Variants in ANP32B observed in about 807,000 individuals in gnomAD.
The protein encoded by ANP32B is acidic leucine-rich nuclear phosphoprotein 32 family member B.
In ANP32B, 6 loss-of-function variants were observed where a neutral mutation model predicts 32.2. That is an observed-to-expected ratio of 0.19 (90% confidence interval 0.10 to 0.37). The LOEUF (loss-of-function observed/expected upper bound fraction) is 0.37. ANP32B is among the 10% of genes least tolerant of loss of function. ANP32B has a pLI of 1.00. For synonymous variants in ANP32B, 98 were observed against 105.8 expected (o/e 0.93, Z 0.45); for missense variants, 204 against 289.2 (o/e 0.71, Z 2.14).
At position 98,011,784 on chromosome 9, in the gene ANP32B, T is replaced by C. The variant is rs571038693; in HGVS notation, c.636+395T>C. On this transcript the variant is annotated intron_variant, in intron 5 of 6. Coordinates refer to ENST00000339399, the MANE Select transcript of ANP32B (RefSeq NM_006401.3). ...TATATTCAGTGTAATTCAGTAAATA[T>C]ATATCTGCTATGTTAAAGAGTTGGG... 5.9e-5 allele frequency among the ~76,000 whole-genome samples: 9 copies of C among 152,344 alleles called. No homozygotes were observed. The South Asian group carries it at 1.7e-3, about 28-fold the overall frequency.
In ANP32B at chr9:97,985,112, C is replaced by T. The variant is rs1452786915; in HGVS notation, c.54+1503C>T. Among the ~76,000 whole-genome samples the T allele has an allele frequency of 5.3e-5, 8 of 151,398 alleles. No homozygotes were observed. In the South Asian group the frequency reaches 8.3e-4, roughly 16 times the overall value. On this transcript the variant is annotated intron_variant, in intron 1 of 6. Transcript: ENST00000339399. Reference sequence around the variant, plus strand: ...GGCGCGGGCCAGTTAGCGCCGCGGCCGGGTGCCCCAGCGGGCCAGTGGCTT... The same window carrying T: ...GGCGCGGGCCAGTTAGCGCCGCGGCTGGGTGCCCCAGCGGGCCAGTGGCTT...
chr9:97,995,580 G>A (rs150636873), intron 2 of ANP32B, among the ~76,000 whole-genome samples: 3 of 152,146 alleles, frequency 2.0e-5, no homozygotes, highest in African/African-American at 7.2e-5. Context: ...TTGGTATTGG[G>A]GTTTGTTTGT....
chr9:97,983,652 G>T (rs547335998), intron 1 of ANP32B, 43 bp downstream of exon 1: 11 of 1,468,614 alleles, frequency 7.5e-6, no homozygotes, highest in African/African-American at 7.3e-5. Context: ...CCGATGACTT[G>T]CATGTAATGG....
At chr9:97,985,325 G>A (rs945169664) in intron 1 of ANP32B, among the ~76,000 whole-genome samples, 177 of 149,304 alleles carry the variant, frequency 1.2e-3, no homozygotes, top group African/African-American at 4.1e-3. Flanking sequence ...CCACTAACGC[G>A]GGGCGGGCCG....
chr9:97,984,665 G>A (rs1419983535), intron 1 of ANP32B: 1 of 150,718 alleles, frequency 6.6e-6, no homozygotes, highest in African/African-American at 2.4e-5. Context: ...GCTGGCTGGC[G>A]GCCGCCTCTT....
intron 4 of ANP32B, among the ~76,000 whole-genome samples, chr9:98,008,090 A>T (rs2131590838): frequency 6.6e-6 from 1 of 152,140 alleles, no homozygotes; most frequent in East Asian, 1.9e-4. Context: ...CCTAAGTATT[A>T]AGCCCACTGT....
intron 1 of ANP32B, among the ~76,000 whole-genome samples, chr9:97,992,715 C>A (rs1002573090): frequency 6.6e-6 from 1 of 151,994 alleles, no homozygotes; most frequent in Admixed American, 6.6e-5. Flanking sequence ...TTTAATGGTT[C>A]GTTGGTTTTA....
chr9:97,990,593 A>G (rs891954357), intron 1 of ANP32B, among the ~76,000 whole-genome samples: 16 of 151,744 alleles, frequency 1.1e-4, no homozygotes, highest in Non-Finnish European at 1.5e-5. Context: ...TAGCCCAACA[A>G]CTCTCTGCCC....
chr9:97,984,865 G>A (rs1827684159), intron 1 of ANP32B, among the ~76,000 whole-genome samples: 1 of 150,628 alleles, frequency 6.6e-6, no homozygotes. Flanking sequence ...ATTTTGGGCG[G>A]GCTTCGGCTC....
chr9:97,986,152 C>T (rs972725167), intron 1 of ANP32B, among the ~76,000 whole-genome samples: 9 of 152,232 alleles, frequency 5.9e-5, no homozygotes, highest in Admixed American at 2.0e-4. Flanking sequence ...TCAGCTTAAC[C>T]TTCTTGCCAG....
Position 98,015,409 on chromosome 9 carries a change from A to T in ANP32B, c.734A>T (p.Asp245Val), listed in dbSNP as rs1828258449. Residue 245 changes from aspartate (D) to valine (V), a missense_variant, in exon 7 of 7, where the codon GAT becomes GTT. Physicochemically the swap from Asp to Val is radical, Grantham distance 152. Transcript: ENST00000339399. Reference protein sequence around the residue: ...GKGEKRKRETDDEGEDD With the variant: ...GKGEKRKRETVDEGEDD ...GGTGAAAAGAGGAAGAGAGAAACAG[A>T]TGATGAAGGAGAAGATGATTAAGAC... The T allele has an allele frequency of 6.5e-7, 1 of 1,549,964 alleles. No homozygotes were observed. Among genetic ancestry groups the T allele is most frequent in the Admixed American group, 2.0e-5 (1 of 50,962 alleles).
At chr9:97,996,619 G>A (rs945558454) in intron 2 of ANP32B, among the ~76,000 whole-genome samples, 5 of 152,074 alleles carry the variant, frequency 3.3e-5, no homozygotes, top group African/African-American at 9.7e-5. Context: ...TTGAGATGGA[G>A]TTTAACTCTT....
chr9:97,991,729 T>C lies in ANP32B; in HGVS notation c.55-2902T>C, dbSNP rs562932908. Among the ~76,000 whole-genome samples, 5 of 152,336 alleles carry C rather than the reference T, an allele frequency of 3.3e-5. No individual in the cohort carries two copies. The South Asian group carries it at 1.0e-3, about 32-fold the overall frequency. On this transcript the variant is annotated intron_variant, in intron 1 of 6. Transcript: ENST00000339399. ...ATGTTTGTATTCTTTCACTTAGCAA[T>C]GGATTCTGAAAACACAGTCCTAAAT...
rs543215059 is a variant in ANP32B, at chr9:98,013,615, G to GGGA, written c.688+1144_688+1146dup. 7.9e-5 allele frequency among the ~76,000 whole-genome samples: 12 copies of GGGA among 152,192 alleles called. No individual in the cohort carries two copies. In the South Asian group the frequency reaches 2.1e-3, roughly 26 times the overall value. On this transcript the variant is annotated intron_variant, in intron 6 of 6. Transcript: ENST00000339399. Reference sequence around the variant, plus strand: ...TGTACAGAAAATTAAAAAGTTAGCTGGGACCGGGTGTGGTGACTCACGCCT... The same window carrying GGGA: ...TGTACAGAAAATTAAAAAGTTAGCTGGGAGGACCGGGTGTGGTGACTCACGCCT...
chr9:97,989,177 G>A (rs890926285), intron 1 of ANP32B, among the ~76,000 whole-genome samples: 10 of 152,142 alleles, frequency 6.6e-5, no homozygotes, highest in Non-Finnish European at 1.3e-4. Flanking sequence ...TAGGCATTTT[G>A]CCATTTAGAA....
chr9:98,001,111 G>A (rs985489489), intron 3 of ANP32B, among the ~76,000 whole-genome samples: 1 of 151,674 alleles, frequency 6.6e-6, no homozygotes, highest in Non-Finnish European at 1.5e-5. Flanking sequence ...TTGTTTATTG[G>A]TTAGTGACAG....
chr9:97,992,615 G>C (rs915757552), intron 1 of ANP32B, among the ~76,000 whole-genome samples: 4 of 152,146 alleles, frequency 2.6e-5, no homozygotes, highest in African/African-American at 9.7e-5. Flanking sequence ...TAAAATTATA[G>C]AAACTCTCCC....
intron 3 of ANP32B, among the ~76,000 whole-genome samples, chr9:98,001,291 A>C (rs1445365561): frequency 6.7e-6 from 1 of 149,306 alleles, no homozygotes; most frequent in Non-Finnish European, 1.5e-5. Flanking sequence ...TTCTGGGTTC[A>C]CGCCATTCTC....
intron 1 of ANP32B, chr9:97,987,670 T>C (rs532881741): frequency 6.6e-6 from 1 of 152,352 alleles, no homozygotes; most frequent in East Asian, 1.9e-4. Flanking sequence ...AGTTCCTTAC[T>C]GTGGCTTGCA....
Sources: gnomAD v4.1 joint callset for allele counts (sites outside exome capture counted in the v4.1 genomes callset) on GRCh38, gnomAD v4.1.1 for gene constraint, MANE v1.5 for transcripts, NCBI Gene and HGNC (gene_info 2026-07-23, HGNC 2026-07-21) for gene names.